The following SWI5 variants were observed in gnomAD, a reference collection of about 807,000 sequenced individuals.
SWI5 encodes the protein DNA repair protein SWI5 homolog.
SWI5 carries 12 observed loss-of-function variants against 17.0 expected under a neutral mutation model. The observed-to-expected ratio is 0.71, with a 90% CI of 0.45 to 1.14. The LOEUF (loss-of-function observed/expected upper bound fraction) is 1.14, where lower values mean the gene tolerates loss of function less well. SWI5 is among the 50% of genes most tolerant of loss of function. The pLI is 0.00. For missense variants in SWI5, 158 were observed against 162.2 expected (o/e 0.97, Z 0.14); for synonymous variants, 61 against 64.0 (o/e 0.95, Z 0.22).
chr9:128,280,351 C>G (rs1831514383), intron 2 of SWI5, among the ~76,000 whole-genome samples: 1 of 152,018 alleles, frequency 6.6e-6, no homozygotes, highest in South Asian at 2.1e-4. Context: ...TTTGCCTTCC[C>G]ACTTGCCAAG....
chr9:128,279,048 G>T (rs1399845981), intron 2 of SWI5, among the ~76,000 whole-genome samples: 1 of 152,152 alleles, frequency 6.6e-6, no homozygotes, highest in African/African-American at 2.4e-5. Context: ...GGGATTACAG[G>T]CATGAGCCAC....
rs78702823 is a variant in SWI5 at position 128,284,408 on chromosome 9, G to A, written c.112-102G>A. The A allele has an allele frequency of 3.1e-4, 432 of 1,415,734 alleles. 2 individuals carry two copies. The African/African-American group carries it at 5.2e-3, about 17-fold the overall frequency. The allele number at this position is 1,415,734 out of a possible 1,614,324, so 87.7% of individuals were successfully genotyped here. On this transcript the variant is annotated intron_variant, in intron 2 of 4. Transcript: ENST00000418976. ...GCAGTCTTATTGAGGGGGTTAGGGT[G>A]CCTATTAGCAAGCAGAAGCAGGGAG...
chr9:128,280,625 C>T (rs1261997716), intron 2 of SWI5, among the ~76,000 whole-genome samples: 1 of 151,952 alleles, frequency 6.6e-6, no homozygotes, highest in Admixed American at 6.6e-5. Flanking sequence ...TCAAGCGATT[C>T]GCCTACCTCA....
chr9:128,279,647 A>G (rs532095380), intron 2 of SWI5, among the ~76,000 whole-genome samples: 3 of 152,244 alleles, frequency 2.0e-5, no homozygotes, highest in South Asian at 2.1e-4. Context: ...GGAGTATGGA[A>G]GGAACATAAA....
chr9:128,284,327 T>C (rs948983885), intron 2 of SWI5, among the ~76,000 whole-genome samples, 183 bp from the exon 3 acceptor site: 8 of 151,030 alleles, frequency 5.3e-5, no homozygotes, highest in African/African-American at 1.7e-4. Flanking sequence ...GATTAAGTTC[T>C]ACTTGCTGGA....
rs199628663 is a variant in SWI5 at position 128,276,264 on chromosome 9, T to G, written c.-77T>G. On this transcript the variant is annotated 5_prime_UTR_variant, in exon 1 of 5. Transcript: ENST00000418976. Reference sequence around the variant, plus strand: ...GGCTTTCCTTGGGTGCGCGCGCAGCTTTCTGTGCGCCAGTTCACACTCCGG... The same window carrying G: ...GGCTTTCCTTGGGTGCGCGCGCAGCGTTCTGTGCGCCAGTTCACACTCCGG... 1.6e-5 allele frequency: 25 copies of G among 1,612,736 alleles called. No homozygotes were observed. In the East Asian group the frequency reaches 5.6e-4, roughly 36 times the overall value.
intron 4 of SWI5, among the ~76,000 whole-genome samples, chr9:128,288,445 G>A (rs1256813388): frequency 6.6e-6 from 1 of 152,204 alleles, no homozygotes; most frequent in Non-Finnish European, 1.5e-5. Flanking sequence ...GAGCTCCAGC[G>A]TGGCCAGGTG....
intron 2 of SWI5, among the ~76,000 whole-genome samples, chr9:128,280,744 C>T (rs1831522432): frequency 6.6e-6 from 1 of 152,112 alleles, no homozygotes; most frequent in Admixed American, 6.6e-5. Context: ...GTCTTGATCT[C>T]CTGACCTCGT....
At chr9:128,279,181 T>G (rs1186284023) in intron 2 of SWI5, among the ~76,000 whole-genome samples, 1 of 152,190 alleles carries the variant, frequency 6.6e-6, no homozygotes, top group East Asian at 1.9e-4. Context: ...GGCTGGCTCC[T>G]TTGCTTCCTG....
chr9:128,277,010 C>T (rs1018769627), intron 2 of SWI5, among the ~76,000 whole-genome samples: 4 of 152,104 alleles, frequency 2.6e-5, no homozygotes, highest in East Asian at 3.9e-4. Context: ...CTCCTGGCTC[C>T]TCAGATGCCT....
intron 2 of SWI5, among the ~76,000 whole-genome samples, chr9:128,280,523 A>G (rs1305469273): frequency 6.6e-6 from 1 of 151,520 alleles, no homozygotes; most frequent in African/African-American, 2.4e-5. Context: ...AAAAAAAAAA[A>G]AAAAAAACAA....
chr9:128,283,550 C>T (rs560086965), intron 2 of SWI5, among the ~76,000 whole-genome samples: 1 of 152,108 alleles, frequency 6.6e-6, no homozygotes, highest in African/African-American at 2.4e-5. Flanking sequence ...GAAGAGAGCC[C>T]AAGACAGACC....
At chr9:128,277,083 G>C (rs1831417929) in intron 2 of SWI5, among the ~76,000 whole-genome samples, 1 of 152,018 alleles carries the variant, frequency 6.6e-6, no homozygotes, top group African/African-American at 2.4e-5. Context: ...ACCCAGCCCT[G>C]CCTTTAAACA....
intron 3 of SWI5, 39 bp downstream of exon 3, chr9:128,284,670 T>C (rs764300449): frequency 6.2e-7 from 1 of 1,603,916 alleles, no homozygotes; most frequent in Admixed American, 1.7e-5. Flanking sequence ...TTAAGATAAC[T>C]TTGGGCTAGG....
intron 2 of SWI5, among the ~76,000 whole-genome samples, chr9:128,279,715 C>T (rs987360363): frequency 6.6e-5 from 10 of 152,168 alleles, no homozygotes; most frequent in African/African-American, 2.2e-4. Flanking sequence ...TTTAGGCCTC[C>T]GGATGACTGC....
At chr9:128,276,777 C>G (rs183759410) in intron 2 of SWI5, 22 bp downstream of exon 2, 11 of 1,593,444 alleles carry the variant, frequency 6.9e-6, no homozygotes, top group East Asian at 2.3e-5. Flanking sequence ...TTCCCCCACA[C>G]CCCCTTTCCC....
At chr9:128,283,880 G>T (rs953920231) in intron 2 of SWI5, among the ~76,000 whole-genome samples, 2 of 151,758 alleles carry the variant, frequency 1.3e-5, no homozygotes, top group Non-Finnish European at 2.9e-5. Flanking sequence ...TCCAAACATT[G>T]TTGGAGACTG....
chr9:128,284,660 T>C (rs1330272246), intron 3 of SWI5, 29 bp downstream of exon 3: 3 of 1,608,424 alleles, frequency 1.9e-6, no homozygotes, highest in East Asian at 2.2e-5. Context: ...CCCATCATGG[T>C]TAAGATAACT....
chr9:128,277,625 G>A (rs1029738351), intron 2 of SWI5, among the ~76,000 whole-genome samples: 1 of 152,238 alleles, frequency 6.6e-6, no homozygotes, highest in Admixed American at 6.5e-5. Context: ...TGCAATGCAG[G>A]TGTATGCCAG....
Sources: gnomAD v4.1 joint callset for allele counts (sites outside exome capture counted in the v4.1 genomes callset) on GRCh38, gnomAD v4.1.1 for gene constraint, MANE v1.5 for transcripts, NCBI Gene and HGNC (gene_info 2026-07-23, HGNC 2026-07-21) for gene names.